CCDC178: variants seen among roughly 807,000 people sequenced by gnomAD.
CCDC178 encodes coiled-coil domain-containing protein 178.
Under a neutral mutation model 117.4 loss-of-function variants are expected in CCDC178, and 126 were observed. The observed-to-expected ratio is 1.07, with a 90% CI of 0.93 to 1.24. CCDC178 has a LOEUF of 1.24. Among genes scored for constraint, CCDC178 ranks in the 50% most tolerant of loss-of-function variants. The pLI is 0.00. For synonymous variants in CCDC178, 283 were observed against 313.4 expected (o/e 0.90, Z 1.02); for missense variants, 1,030 against 986.9 (o/e 1.04, Z -0.59).
chr18:33,344,838 CACACACACACACACACAT>C (rs1287641339), intron 9 of CCDC178, among the ~76,000 whole-genome samples: 33 of 149,500 alleles, frequency 2.2e-4, no homozygotes, highest in Non-Finnish European at 3.4e-4. Flanking sequence ...CACACACACA[CACACACACACACACACAT>C]ATATTTATAA....
intron 20 of CCDC178, among the ~76,000 whole-genome samples, chr18:33,199,191 G>GA (rs528342399): frequency 5.6e-4 from 85 of 151,640 alleles, no homozygotes; most frequent in African/African-American, 2.0e-3. Flanking sequence ...TATACTAGAA[G>GA]GTTTAATTGC....
At chr18:33,227,666 C>T (rs1036430904) in intron 15 of CCDC178, among the ~76,000 whole-genome samples, 2 of 149,976 alleles carry the variant, frequency 1.3e-5, no homozygotes, top group African/African-American at 4.9e-5. Context: ...ATACTGAATC[C>T]CTCATCATAT....
intron 6 of CCDC178, among the ~76,000 whole-genome samples, chr18:33,367,048 T>C (rs753090679): frequency 3.9e-5 from 6 of 152,028 alleles, no homozygotes; most frequent in Non-Finnish European, 8.8e-5. Context: ...CAGCGCACAT[T>C]CATATTTAGT....
chr18:33,215,770 AC>A (rs2059158575), intron 18 of CCDC178, 75 bp from the exon 19 acceptor site: 1 of 1,140,732 alleles, frequency 8.8e-7, no homozygotes, highest in East Asian at 2.9e-5. Flanking sequence ...GAACACAATT[AC>A]ATTGGCTGTG....
intron 22 of CCDC178, among the ~76,000 whole-genome samples, chr18:32,959,699 A>G (rs993490840): frequency 6.6e-6 from 1 of 152,066 alleles, no homozygotes; most frequent in African/African-American, 2.4e-5. Context: ...ACATCAAAGC[A>G]GCATCATTAT....
chr18:33,386,776 A>C (rs1451663981), intron 5 of CCDC178, among the ~76,000 whole-genome samples: 2 of 152,204 alleles, frequency 1.3e-5, no homozygotes, highest in East Asian at 3.9e-4. Context: ...AATGGGCAAA[A>C]ACAGGAAGCA....
chr18:33,268,177 G>C (rs2059842642), intron 12 of CCDC178, among the ~76,000 whole-genome samples: 1 of 151,664 alleles, frequency 6.6e-6, no homozygotes, highest in Non-Finnish European at 1.5e-5. Flanking sequence ...AGGTATCTGA[G>C]ACTACCCAAA....
intron 2 of CCDC178, among the ~76,000 whole-genome samples, chr18:33,432,203 A>C (rs1157188818): frequency 6.6e-6 from 1 of 152,132 alleles, no homozygotes; most frequent in Non-Finnish European, 1.5e-5. Flanking sequence ...GGATGCAAGT[A>C]GTAAGATTGT....
chr18:32,977,112 T>C (rs965988071), intron 21 of CCDC178, among the ~76,000 whole-genome samples: 1 of 152,170 alleles, frequency 6.6e-6, no homozygotes, highest in African/African-American at 2.4e-5. Context: ...GTTGATTGTA[T>C]TCACAGTGGG....
chr18:33,140,324 A>G (rs963604584), intron 20 of CCDC178, among the ~76,000 whole-genome samples: 1 of 152,090 alleles, frequency 6.6e-6, no homozygotes, highest in African/African-American at 2.4e-5. Context: ...AGACCCCAGA[A>G]TTATAGATCC....
chr18:33,089,450 G>A (rs544135435), intron 21 of CCDC178, among the ~76,000 whole-genome samples: 1 of 152,006 alleles, frequency 6.6e-6, no homozygotes, highest in African/African-American at 2.4e-5. Context: ...GACACTAAAA[G>A]ATAACATTTG....
At chr18:33,257,493 A>G (rs1356296626) in intron 14 of CCDC178, among the ~76,000 whole-genome samples, 3 of 152,018 alleles carry the variant, frequency 2.0e-5, no homozygotes, top group Non-Finnish European at 4.4e-5. Flanking sequence ...TCTTCCACCC[A>G]TATTTTCAGG....
intron 21 of CCDC178, among the ~76,000 whole-genome samples, chr18:33,083,846 A>G (rs553439069): frequency 6.6e-6 from 1 of 152,322 alleles, no homozygotes; most frequent in Admixed American, 6.5e-5. Flanking sequence ...CTTCTTTTTC[A>G]TGATGTTGAT....
chr18:33,262,458 A>G (rs762027858), intron 14 of CCDC178, among the ~76,000 whole-genome samples: 29 of 152,132 alleles, frequency 1.9e-4, no homozygotes, highest in Non-Finnish European at 3.4e-4. Flanking sequence ...AACTCATCCA[A>G]ATACCACTAA....
intron 12 of CCDC178, among the ~76,000 whole-genome samples, chr18:33,286,868 A>T (rs1329918535): frequency 6.6e-6 from 1 of 152,208 alleles, no homozygotes; most frequent in African/African-American, 2.4e-5. Context: ...ACAAGAAACT[A>T]AAAATTGCAC....
At chr18:32,939,853 A>G (rs1433176653) in intron 22 of CCDC178, among the ~76,000 whole-genome samples, 1 of 152,164 alleles carries the variant, frequency 6.6e-6, no homozygotes, top group African/African-American at 2.4e-5. Context: ...ATATAGAAAC[A>G]CACACTCCAT....
intron 12 of CCDC178, among the ~76,000 whole-genome samples, chr18:33,289,407 G>A (rs1455359800): frequency 6.6e-6 from 1 of 152,086 alleles, no homozygotes; most frequent in Admixed American, 6.6e-5. Context: ...CTGAGGTCAG[G>A]AGTTTGAGAC....
chr18:33,312,140 G>A (rs2062352285), intron 11 of CCDC178, among the ~76,000 whole-genome samples: 1 of 152,162 alleles, frequency 6.6e-6, no homozygotes, highest in African/African-American at 2.4e-5. Context: ...CATGCACCCA[G>A]TGGTAACTAA....
intron 22 of CCDC178, among the ~76,000 whole-genome samples, chr18:32,954,932 T>G (rs370679416): frequency 6.6e-6 from 1 of 151,974 alleles, no homozygotes; most frequent in South Asian, 2.1e-4. Flanking sequence ...AAAAAAAAAG[T>G]CTTGTCACTC....
Sources: allele counts gnomAD v4.1 joint callset (sites outside exome capture counted in the v4.1 genomes callset), GRCh38; gene constraint gnomAD v4.1.1; transcripts MANE v1.5; gene names NCBI Gene and HGNC (gene_info 2026-07-23, HGNC 2026-07-21).